The following FER1L6 variants were observed in gnomAD, a reference collection of about 807,000 sequenced individuals.
FER1L6 encodes fer-1 like family member 6.
A neutral mutation model predicts 219.2 loss-of-function variants in FER1L6; 177 were observed. That is an observed-to-expected ratio of 0.81 (90% confidence interval 0.71 to 0.91). FER1L6 has a LOEUF of 0.91. FER1L6 is among the 40% of genes least tolerant of loss of function. The probability of loss-of-function intolerance (pLI) is 0.00; values close to 1 mark genes in which losing one functional copy is unlikely to be tolerated. For missense variants in FER1L6, 2,153 were observed against 2,259.9 expected, an observed-to-expected ratio of 0.95 and a Z score of 0.96; for synonymous variants, 768 against 824.3, an observed-to-expected ratio of 0.93 and a Z score of 1.17.
intron 39 of FER1L6, among the ~76,000 whole-genome samples, chr8:124,113,032 T>C (rs530105405): frequency 4.7e-4 from 71 of 152,332 alleles, no homozygotes; most frequent in Non-Finnish European, 6.5e-4. Context: ...CTTTACATAA[T>C]AGTAATCATT....
At chr8:124,014,427 G>C (rs888436788) in intron 15 of FER1L6, 1 of 152,862 alleles carries the variant, frequency 6.5e-6, no homozygotes, top group Non-Finnish European at 1.5e-5. Context: ...TCTCTTCTCT[G>C]TTGGTTGGTC....
At chr8:123,915,309 G>A (rs1813151959) in intron 1 of FER1L6, among the ~76,000 whole-genome samples, 2 of 152,102 alleles carry the variant, frequency 1.3e-5, no homozygotes, top group Non-Finnish European at 2.9e-5. Context: ...AGGGGGGTGA[G>A]GGGCAGTTTG....
intron 19 of FER1L6, among the ~76,000 whole-genome samples, chr8:124,036,853 G>T (rs1017939278): frequency 2.6e-5 from 4 of 152,236 alleles, no homozygotes; most frequent in African/African-American, 4.8e-5. Context: ...TGATGGCTTT[G>T]GCTGCCTTCC....
intron 7 of FER1L6, 145 bp downstream of exon 7, chr8:123,973,657 C>G (rs967440895): frequency 1.5e-6 from 1 of 680,034 alleles, no homozygotes; most frequent in African/African-American, 1.8e-5. Flanking sequence ...AGACATAACT[C>G]TTGCCCTCAA....
chr8:123,854,050 C>G (rs578160392), intron 1 of FER1L6, among the ~76,000 whole-genome samples: 1 of 152,160 alleles, frequency 6.6e-6, no homozygotes. Context: ...CTGGCAGGCT[C>G]CTGTCAGTCC....
intron 1 of FER1L6, among the ~76,000 whole-genome samples, chr8:123,952,441 C>T (rs111685901): frequency 0.013 from 2,046 of 152,258 alleles, 56 homozygotes; most frequent in African/African-American, 0.047. Flanking sequence ...ATATCGGAGT[C>T]GCAGTAGCTT....
intron 18 of FER1L6, among the ~76,000 whole-genome samples, chr8:124,023,966 G>A (rs368382433): frequency 2.0e-5 from 3 of 150,518 alleles, no homozygotes; most frequent in Non-Finnish European, 3.0e-5. Flanking sequence ...GCGTGACCTC[G>A]GCTCACTGCA....
At chr8:123,920,524 C>T (rs1348617374) in intron 1 of FER1L6, among the ~76,000 whole-genome samples, 2 of 152,206 alleles carry the variant, frequency 1.3e-5, no homozygotes, top group East Asian at 1.9e-4. Context: ...ACCATGTCTG[C>T]GAGCCAGAGC....
chr8:124,055,644 A>ATGT (rs1489896994), intron 22 of FER1L6, among the ~76,000 whole-genome samples: 1 of 152,044 alleles, frequency 6.6e-6, no homozygotes, highest in Non-Finnish European at 1.5e-5. Context: ...TGCTGCTTGA[A>ATGT]TGTTGTCCTT....
chr8:123,957,032 T>C (rs1815051651), intron 2 of FER1L6, among the ~76,000 whole-genome samples: 1 of 152,204 alleles, frequency 6.6e-6, no homozygotes, highest in Admixed American at 6.5e-5. Flanking sequence ...ATAGCCTTGA[T>C]TAAAAAGCAG....
chr8:124,055,423 G>T (rs1563769693), intron 22 of FER1L6, among the ~76,000 whole-genome samples: 1 of 152,060 alleles, frequency 6.6e-6, no homozygotes, highest in Non-Finnish European at 1.5e-5. Context: ...AACATTCATG[G>T]AATTCTGTGT....
At chr8:124,023,160 G>A (rs186911864) in intron 17 of FER1L6, among the ~76,000 whole-genome samples, 8 of 152,194 alleles carry the variant, frequency 5.3e-5, no homozygotes, top group Non-Finnish European at 7.4e-5. Flanking sequence ...CATGATCCAC[G>A]TGCCTTGGCC....
intron 31 of FER1L6, among the ~76,000 whole-genome samples, chr8:124,075,989 T>C (rs936566622): frequency 6.6e-6 from 1 of 152,188 alleles, no homozygotes; most frequent in African/African-American, 2.4e-5. Context: ...AGCAGCAAAA[T>C]GTAGATGCTA....
rs1814133058 is a variant in FER1L6 at position 123,939,271 on chromosome 8, TTTA to T, written c.-7-16717_-7-16715del. On this transcript the variant is annotated intron_variant, in intron 1 of 40. Transcript: ENST00000522917. ...TGGTACTTTTGTATTTTTGATAAAT[TTTA>T]TTACATATTGTTAAGTCTAAGAAGT... The T allele has an allele frequency of 3.5e-6, 3 of 865,958 alleles. No homozygotes were observed. In the Admixed American group the frequency reaches 1.9e-4, roughly 54 times the overall value. 53.6% of individuals were successfully genotyped at this position (865,958 alleles called of 1,614,324 possible). A position where few individuals can be genotyped will look rare whatever the true frequency, so the allele number is the denominator to read the frequency against.
At chr8:123,975,385 C>G in intron 8 of FER1L6, 79 bp downstream of exon 8, 1 of 1,352,686 alleles carries the variant, frequency 7.4e-7, no homozygotes, top group Non-Finnish European at 1.0e-6. Context: ...CACCACTTTT[C>G]TTATGGGTAC....
chr8:124,064,291 A>C, intron 25 of FER1L6, 56 bp from the exon 26 acceptor site: 6 of 1,435,306 alleles, frequency 4.2e-6, no homozygotes, highest in Non-Finnish European at 5.9e-6. Flanking sequence ...TAGGTCCCTG[A>C]AACGACCACC....
At chr8:123,934,909 GGTAAGA>G (rs1813922284) in intron 1 of FER1L6, among the ~76,000 whole-genome samples, 1 of 152,068 alleles carries the variant, frequency 6.6e-6, no homozygotes. Flanking sequence ...GCTCCGCCAT[GGTAAGA>G]TGTGCTTGCT....
At chr8:123,869,586 C>A (rs1816892941) in intron 1 of FER1L6, among the ~76,000 whole-genome samples, 1 of 152,148 alleles carries the variant, frequency 6.6e-6, no homozygotes, top group African/African-American at 2.4e-5. Flanking sequence ...ATGAATCGGA[C>A]AACTCAACAT....
chr8:123,884,823 T>C (rs2129675363), intron 1 of FER1L6, among the ~76,000 whole-genome samples: 1 of 152,280 alleles, frequency 6.6e-6, no homozygotes, highest in South Asian at 2.1e-4. Context: ...CATCTGCATA[T>C]GCTTTCACCT....
Sources: allele counts gnomAD v4.1 joint callset (sites outside exome capture counted in the v4.1 genomes callset), GRCh38; gene constraint gnomAD v4.1.1; transcripts MANE v1.5; gene names NCBI Gene and HGNC (gene_info 2026-07-23, HGNC 2026-07-21).